LARP1: variants seen among roughly 807,000 people sequenced by gnomAD.
LARP1 encodes the protein La ribonucleoprotein 1, translational regulator, also known as la-related protein 1.
In LARP1, 36 loss-of-function variants were observed where a neutral mutation model predicts 122.7. The ratio of observed to expected loss-of-function variants is 0.29; its 90% CI spans 0.22 to 0.39. The LOEUF (loss-of-function observed/expected upper bound fraction) is 0.39. LARP1 is among the 10% of genes least tolerant of loss of function. The probability of loss-of-function intolerance (pLI) is 1.00; values close to 1 mark genes in which losing one functional copy is unlikely to be tolerated. For missense variants in LARP1, 1,040 were observed against 1,403.6 expected (o/e 0.74, Z 4.14); for synonymous variants, 539 against 528.7 (o/e 1.02, Z -0.27).
At chr5:154,695,236 T>C (rs1443690475) in intron 1 of LARP1, among the ~76,000 whole-genome samples, 20 of 151,164 alleles carry the variant, frequency 1.3e-4, no homozygotes, top group Non-Finnish European at 2.7e-4. Context: ...GGCGTGAACC[T>C]GGGAGGCGGA....
At chr5:154,778,175 G>A (rs147727899) in intron 1 of LARP1, among the ~76,000 whole-genome samples, 3,765 of 151,444 alleles carry the variant, frequency 0.025, 153 homozygotes, top group African/African-American at 0.084. Flanking sequence ...CAGGAGAATG[G>A]CGTGAACCCA....
At position 154,744,883 on chromosome 5, in the gene LARP1, C is replaced by T. The variant is rs1163818086; in HGVS notation, c.205+31753C>T. Among the ~76,000 whole-genome samples the T allele has an allele frequency of 1.0e-4, 12 of 117,450 alleles. No homozygotes were observed. In the South Asian group the frequency reaches 2.1e-3, roughly 20 times the overall value. 77.1% of individuals were successfully genotyped at this position (117,450 alleles called of 152,430 possible). On this transcript the variant is annotated intron_variant, in intron 1 of 18. Transcript: ENST00000336314. ...CGATCTCCTGACCTCGTGATCCGCCCGCCTCGGCCTCCCAAAGTGCTGGGA... is the reference window on the plus strand; with the variant it reads ...CGATCTCCTGACCTCGTGATCCGCCTGCCTCGGCCTCCCAAAGTGCTGGGA...
chr5:154,814,089 G>C lies in LARP1; in HGVS notation c.3284G>C (p.Gly1095Ala), dbSNP rs1240274891. ...TSQHSNTQTLGK is the reference protein window; with the variant it reads ...TSQHSNTQTLAK Reference sequence around the variant, plus strand: ...CAGCACTCGAACACACAGACTTTGGGAAAGTGAAAAGCTCCTTAGCCCTGG... The same window carrying C: ...CAGCACTCGAACACACAGACTTTGGCAAAGTGAAAAGCTCCTTAGCCCTGG... Residue 1095 changes from glycine to alanine, a missense_variant, in exon 19 of 19, where the codon GGA becomes GCA. Physicochemically the swap from Gly to Ala is moderately conservative, Grantham distance 60 (BLOSUM62 0). Coordinates refer to ENST00000518297, the MANE Select transcript of LARP1 (RefSeq NM_033551.3). 1 of 1,613,408 alleles carries C rather than the reference G, an allele frequency of 6.2e-7. No homozygotes were observed. The highest frequency in any genetic ancestry group is 1.7e-5 in the Admixed American group (1 of 60,008).
In LARP1 at chr5:154,799,593, C is replaced by G. The variant is rs763505376; in HGVS notation, c.1380C>G (p.Ala460=). ...LTTDISLIFA[A]LKDSKVVEIV... ...CTCTTCCTTCTCCTCCCCTTCAGGC[C>G]CTAAAGGACAGCAAGGTGGTGGAGA... Residue 460 remains alanine, a splice_region_variant and synonymous_variant, in exon 9 of 19, where the codon GCC becomes GCG. Coordinates refer to ENST00000518297, the MANE Select transcript of LARP1 (RefSeq NM_033551.3). 8 of 1,613,974 alleles carry G rather than the reference C, an allele frequency of 5.0e-6. No individual in the cohort carries two copies. The highest frequency in any genetic ancestry group is 6.8e-6 in the Non-Finnish European group (8 of 1,180,000).
chr5:154,811,262 C>T lies in LARP1; in HGVS notation c.2859C>T (p.Cys953=). The T allele has an allele frequency of 6.2e-7, 1 of 1,614,000 alleles. No homozygotes were observed. The highest frequency in any genetic ancestry group is 8.5e-7 in the Non-Finnish European group (1 of 1,179,880). Residue 953 remains cysteine, a synonymous_variant, in exon 17 of 19, where the codon TGC becomes TGT. Transcript: ENST00000518297. ...TGTTCTACAGATATGGTTTGGAGTG[C>T]CTTTTTCGATACTACAGTTATGGCC... The part of the protein sequence containing the change: ...AKEGYRYGLE[C]LFRYYSYGLE...
intron 1 of LARP1, among the ~76,000 whole-genome samples, chr5:154,723,226 C>T (rs1755993643): frequency 6.6e-6 from 1 of 152,208 alleles, no homozygotes; most frequent in Non-Finnish European, 1.5e-5. Flanking sequence ...TTTGCAAGTG[C>T]CAGCTCTAAC....
At chr5:154,811,461 T>C (rs1759263753) in intron 17 of LARP1, 52 bp from the exon 18 acceptor site, 27 of 1,613,276 alleles carry the variant, frequency 1.7e-5, no homozygotes, top group Non-Finnish European at 2.0e-5. Flanking sequence ...CCCTCTCTCC[T>C]CTGAGCTTCT....
chr5:154,770,860 C>T (rs1196859080), intron 1 of LARP1, among the ~76,000 whole-genome samples: 1 of 152,012 alleles, frequency 6.6e-6, no homozygotes, highest in Non-Finnish European at 1.5e-5. Context: ...TGCCTGTAAT[C>T]CCAGCGCTTT....
upstream of LARP1, among the ~76,000 whole-genome samples, chr5:154,755,212 G>GCGCTCCCGCCGCCTCCTGC (rs1436222853): frequency 7.0e-6 from 1 of 143,792 alleles, no homozygotes; most frequent in African/African-American, 2.6e-5. Flanking sequence ...CCGTGCGCGC[G>GCGCTCCCGCCGCCTCCTGC]CCGTCCCGCC....
chr5:154,779,398 A>G (rs1176473288), intron 1 of LARP1, among the ~76,000 whole-genome samples: 1 of 152,156 alleles, frequency 6.6e-6, no homozygotes, highest in East Asian at 1.9e-4. Context: ...TGGACTCCAA[A>G]GTCCACGCTG....
intron 1 of LARP1, among the ~76,000 whole-genome samples, chr5:154,777,920 G>GTGGATGGAGATGTCATTATTTGGCTCA (rs1389614108): frequency 6.6e-6 from 1 of 152,172 alleles, no homozygotes; most frequent in African/African-American, 2.4e-5. Context: ...TGTCATATTT[G>GTGGATGGAGATGTCATTATTTGGCTCA]TGGATGGAGA....
intron 1 of LARP1, among the ~76,000 whole-genome samples, chr5:154,766,246 T>G (rs1431712889): frequency 1.3e-5 from 2 of 152,188 alleles, no homozygotes; most frequent in Non-Finnish European, 2.9e-5. Flanking sequence ...CATCGAAGAT[T>G]GTATGTGAGG....
chr5:154,734,344 T>A (rs992525725), intron 1 of LARP1, among the ~76,000 whole-genome samples: 2 of 152,158 alleles, frequency 1.3e-5, no homozygotes, highest in African/African-American at 4.8e-5. Flanking sequence ...TCAACTTATG[T>A]CAGTTTTGTG....
At chr5:154,792,050 A>C in intron 3 of LARP1, 1 of 443,098 alleles carries the variant, frequency 2.3e-6, no homozygotes, top group Non-Finnish European at 4.6e-6. Context: ...GTTCTCCATC[A>C]CTACGCTTGG....
chr5:154,789,219 C>CTTT (rs757782683), intron 1 of LARP1, among the ~76,000 whole-genome samples: 2,973 of 91,338 alleles, frequency 0.033, 198 homozygotes, highest in African/African-American at 0.077. Flanking sequence ...TCAAAACAAA[C>CTTT]TTTTTTTTTT....
chr5:154,714,861 T>C (rs1333640726), intron 1 of LARP1, among the ~76,000 whole-genome samples: 2 of 152,228 alleles, frequency 1.3e-5, no homozygotes, highest in Non-Finnish European at 2.9e-5. Context: ...TATACGCATG[T>C]GTGCATGTGC....
In LARP1 at chr5:154,756,210, G is replaced by T. The variant is rs543814176; in HGVS notation, c.436+17G>T. 1.6e-6 allele frequency: 2 copies of T among 1,242,986 alleles called. No homozygotes were observed. Among genetic ancestry groups the T allele is most frequent in the African/African-American group, 1.6e-5 (1 of 60,832 alleles). 77.0% of individuals were successfully genotyped at this position (1,242,986 alleles called of 1,614,324 possible). On this transcript the variant is annotated intron_variant, in intron 1 of 18. Coordinates refer to ENST00000518297, the MANE Select transcript of LARP1 (RefSeq NM_033551.3). ...CCCCCCCAGGTGGGTCTCCCTCCTT[G>T]CCCTCCTGGGTCCGGGGGCCTCTTC... is the stretch of plus-strand genomic sequence containing the variant.
At chr5:154,785,159 G>A (rs1016346779) in intron 1 of LARP1, among the ~76,000 whole-genome samples, 2 of 152,192 alleles carry the variant, frequency 1.3e-5, no homozygotes, top group Non-Finnish European at 2.9e-5. Flanking sequence ...TCTTTCCTGG[G>A]GAAACTTGCC....
intron 1 of LARP1, among the ~76,000 whole-genome samples, chr5:154,788,899 T>A (rs2113759304): frequency 6.6e-6 from 1 of 152,318 alleles, no homozygotes; most frequent in South Asian, 2.1e-4. Flanking sequence ...TGCACATTTT[T>A]GTTTTACAAG....
Sources: gnomAD v4.1 joint callset for allele counts (sites outside exome capture counted in the v4.1 genomes callset) on GRCh38, gnomAD v4.1.1 for gene constraint, MANE v1.5 for transcripts, NCBI Gene and HGNC (gene_info 2026-07-23, HGNC 2026-07-21) for gene names.